FUT9: variants seen among roughly 807,000 people sequenced by gnomAD.
The protein encoded by FUT9 is 4-galactosyl-N-acetylglucosaminide 3-alpha-L-fucosyltransferase 9.
FUT9 carries 15 observed loss-of-function variants against 29.7 expected under a neutral mutation model. That is an observed-to-expected ratio of 0.51 (90% CI 0.34 to 0.78). FUT9 has a LOEUF of 0.78. Ranked by LOEUF, FUT9 falls within the 30% of genes least tolerant of loss-of-function variation. The probability of loss-of-function intolerance (pLI) is 0.01; values close to 1 mark genes in which losing one functional copy is unlikely to be tolerated. For missense variants in FUT9, 319 were observed against 425.4 expected (o/e 0.75, Z 2.20); for synonymous variants, 169 against 153.7 (o/e 1.10, Z -0.74).
At chr6:96,078,753 G>C (rs1771186044) in intron 1 of FUT9, among the ~76,000 whole-genome samples, 1 of 151,852 alleles carries the variant, frequency 6.6e-6, no homozygotes, top group Non-Finnish European at 1.5e-5. Flanking sequence ...TTTCATGATC[G>C]TTAATTAGGC....
At chr6:96,050,699 A>G (rs556970131) in intron 1 of FUT9, among the ~76,000 whole-genome samples, 86 of 152,328 alleles carry the variant, frequency 5.6e-4, no homozygotes, top group African/African-American at 1.9e-3. Flanking sequence ...ATTGCATTTT[A>G]ATTATACAGA....
chr6:96,115,884 C>T (rs1771902026), intron 2 of FUT9, among the ~76,000 whole-genome samples: 1 of 152,072 alleles, frequency 6.6e-6, no homozygotes, highest in Admixed American at 6.6e-5. Flanking sequence ...TTTTTGTTTG[C>T]TTCCATGTAC....
intron 2 of FUT9, among the ~76,000 whole-genome samples, chr6:96,179,385 C>A (rs908796211): frequency 1.3e-5 from 2 of 152,024 alleles, no homozygotes; most frequent in African/African-American, 4.8e-5. Flanking sequence ...GAAACACAGG[C>A]AAATCAATTA....
At chr6:96,150,385 G>T (rs1281045160) in intron 2 of FUT9, among the ~76,000 whole-genome samples, 1 of 152,112 alleles carries the variant, frequency 6.6e-6, no homozygotes, top group Non-Finnish European at 1.5e-5. Context: ...GGAGAAGGAG[G>T]TGTGAGGCAC....
chr6:96,212,252 G>A lies in FUT9; in HGVS notation c.*8017G>A, dbSNP rs1337693371. 7.3e-6 allele frequency: 3 copies of A among 412,714 alleles called. No individual in the cohort carries two copies. Among genetic ancestry groups the A allele is most frequent in the Admixed American group, 8.8e-5 (2 of 22,662 alleles). 25.6% of individuals were successfully genotyped at this position (412,714 alleles called of 1,614,324 possible). On this transcript the variant is annotated 3_prime_UTR_variant, in exon 3 of 3. Transcript: ENST00000302103. ...GTTCCTTAAATGAGATAATCCTGAAGATGCCATCCTTGTCCAAGGTGAGAT... is the reference window on the plus strand; with the variant it reads ...GTTCCTTAAATGAGATAATCCTGAAAATGCCATCCTTGTCCAAGGTGAGAT...
intron 1 of FUT9, among the ~76,000 whole-genome samples, chr6:96,112,269 C>T (rs1771823733): frequency 6.6e-6 from 1 of 152,070 alleles, no homozygotes; most frequent in Non-Finnish European, 1.5e-5. Context: ...TACAATAATG[C>T]TTTCATAATT....
intron 1 of FUT9, among the ~76,000 whole-genome samples, chr6:96,062,718 A>G (rs760697414): frequency 6.6e-6 from 1 of 152,116 alleles, no homozygotes; most frequent in African/African-American, 2.4e-5. Flanking sequence ...ACCTTTTTGT[A>G]TGGCTTGGAT....
At chr6:96,194,761 A>G (rs956857288) in intron 2 of FUT9, among the ~76,000 whole-genome samples, 1 of 152,032 alleles carries the variant, frequency 6.6e-6, no homozygotes, top group Non-Finnish European at 1.5e-5. Context: ...TAATCACAGA[A>G]GTGCTGGTGC....
intron 2 of FUT9, among the ~76,000 whole-genome samples, chr6:96,141,118 T>A (rs1364023568): frequency 2.0e-5 from 3 of 152,204 alleles, no homozygotes; most frequent in African/African-American, 7.2e-5. Flanking sequence ...CTCAAAGGCA[T>A]TATGTTTGTG....
intron 2 of FUT9, among the ~76,000 whole-genome samples, chr6:96,119,115 G>A (rs1368083080): frequency 6.6e-6 from 1 of 152,186 alleles, no homozygotes; most frequent in Non-Finnish European, 1.5e-5. Flanking sequence ...CATTTGTACA[G>A]TGTTTATAAA....
intron 2 of FUT9, 108 bp from the exon 3 acceptor site, chr6:96,203,040 A>G: frequency 1.3e-6 from 1 of 789,328 alleles, no homozygotes; most frequent in Non-Finnish European, 2.0e-6. Flanking sequence ...GCAGTTGATT[A>G]CTACTTGTTT....
chr6:96,088,732 T>C (rs1048467192), intron 1 of FUT9, among the ~76,000 whole-genome samples: 25 of 152,230 alleles, frequency 1.6e-4, no homozygotes, highest in Non-Finnish European at 7.3e-5. Context: ...CTTTCAAAAA[T>C]ACTCTTCATG....
Position 96,206,223 on chromosome 6 carries a change from C to A in FUT9, c.*1988C>A. On this transcript the variant is annotated 3_prime_UTR_variant, in exon 3 of 3. Coordinates refer to ENST00000302103, the MANE Select transcript of FUT9 (RefSeq NM_006581.4). ...TTCTGAGCTGCAAACTTTGTCAACT[C>A]TTTTGACCCAACATATTATTCTCTC... 1 of 167,046 alleles carries A rather than the reference C, an allele frequency of 6.0e-6. No individual in the cohort carries two copies. Among genetic ancestry groups the A allele is most frequent in the South Asian group, 2.1e-4 (1 of 4,830 alleles). 10.3% of individuals were successfully genotyped at this position (167,046 alleles called of 1,614,324 possible). A position where few individuals can be genotyped will look rare whatever the true frequency, so the allele number is the denominator to read the frequency against.
chr6:96,096,687 T>TGTGTGTGTGTGTGC (rs1771501620), intron 1 of FUT9, among the ~76,000 whole-genome samples: 1 of 151,016 alleles, frequency 6.6e-6, no homozygotes, highest in Non-Finnish European at 1.5e-5. Flanking sequence ...CTAAGGCATG[T>TGTGTGTGTGTGTGC]GTGTGTGTGT....
intron 1 of FUT9, among the ~76,000 whole-genome samples, chr6:96,090,435 T>A (rs903884817): frequency 2.0e-5 from 3 of 151,964 alleles, no homozygotes; most frequent in Admixed American, 2.0e-4. Flanking sequence ...TAGATGAAAG[T>A]GTTCAATTTT....
chr6:96,078,144 T>A (rs1771170577), intron 1 of FUT9, among the ~76,000 whole-genome samples: 1 of 152,182 alleles, frequency 6.6e-6, no homozygotes, highest in South Asian at 2.1e-4. Context: ...TTTTAATTTT[T>A]TCATTACAAC....
chr6:96,020,336 A>G (rs1455193917), intron 1 of FUT9, among the ~76,000 whole-genome samples: 6 of 152,174 alleles, frequency 3.9e-5, no homozygotes, highest in Non-Finnish European at 7.4e-5. Context: ...TGTAAGCAAA[A>G]TGCACTTACA....
At chr6:96,032,101 T>C (rs1423950812) in intron 1 of FUT9, among the ~76,000 whole-genome samples, 3 of 151,630 alleles carry the variant, frequency 2.0e-5, no homozygotes, top group Non-Finnish European at 4.4e-5. Context: ...GTGGAACATA[T>C]TGTTACATTT....
chr6:96,202,177 T>C (rs1292633593), intron 2 of FUT9, among the ~76,000 whole-genome samples: 1 of 152,004 alleles, frequency 6.6e-6, no homozygotes, highest in African/African-American at 2.4e-5. Flanking sequence ...TAAAGAGGCA[T>C]GAATGCCGAA....
Sources: allele counts gnomAD v4.1 joint callset (sites outside exome capture counted in the v4.1 genomes callset), GRCh38; gene constraint gnomAD v4.1.1; transcripts MANE v1.5; gene names NCBI Gene and HGNC (gene_info 2026-07-23, HGNC 2026-07-21).